GLI3: variants seen among roughly 807,000 people sequenced by gnomAD.
GLI3 encodes the protein GLI family zinc finger 3, also known as transcription activator GLI3.
GLI3 carries 20 observed loss-of-function variants against 100.8 expected under a neutral mutation model. The ratio of observed to expected loss-of-function variants is 0.20; its 90% CI spans 0.14 to 0.29. The LOEUF is 0.29. Ranked by LOEUF, GLI3 falls within the 10% of genes least tolerant of loss-of-function variation. The pLI is 1.00. For synonymous variants in GLI3, 938 were observed against 860.5 expected, an observed-to-expected ratio of 1.09 and a Z score of -1.58; for missense variants, 2,040 against 2,128.5, an observed-to-expected ratio of 0.96 and a Z score of 0.82.
chr7:42,128,108 TA>T (rs1786181614), intron 3 of GLI3, among the ~76,000 whole-genome samples: 1 of 150,960 alleles, frequency 6.6e-6, no homozygotes, highest in South Asian at 2.1e-4. Flanking sequence ...TAATATGCAA[TA>T]AAAAAATAAA....
chr7:42,171,540 T>C (rs766280784), intron 2 of GLI3, among the ~76,000 whole-genome samples: 5 of 152,240 alleles, frequency 3.3e-5, no homozygotes, highest in Admixed American at 6.5e-5. Flanking sequence ...TGTTCTTCAA[T>C]ATTTTTCAGA....
intron 10 of GLI3, among the ~76,000 whole-genome samples, chr7:42,001,042 T>C (rs759593359): frequency 9.2e-5 from 14 of 151,722 alleles, no homozygotes; most frequent in South Asian, 4.2e-4. Context: ...GTCAGGAGTT[T>C]GAGACCAGCC....
intron 3 of GLI3, among the ~76,000 whole-genome samples, chr7:42,119,225 A>G (rs1583573754): frequency 1.3e-5 from 2 of 152,334 alleles, no homozygotes; most frequent in African/African-American, 4.8e-5. Flanking sequence ...CTACATTTCT[A>G]TGTAAGCAAA....
intron 10 of GLI3, among the ~76,000 whole-genome samples, chr7:42,005,484 C>CACACACAT (rs1788433908): frequency 1.3e-5 from 2 of 151,786 alleles, no homozygotes; most frequent in South Asian, 4.2e-4. Flanking sequence ...CACACACACA[C>CACACACAT]ACACACACAC....
intron 1 of GLI3, among the ~76,000 whole-genome samples, chr7:42,250,998 A>G (rs1232426085): frequency 1.3e-5 from 2 of 152,280 alleles, no homozygotes; most frequent in Middle Eastern, 3.4e-3. Context: ...ATGAAAAAGC[A>G]TGGTGGGGAG....
At chr7:42,180,579 G>A (rs1787572644) in intron 2 of GLI3, among the ~76,000 whole-genome samples, 1 of 152,202 alleles carries the variant, frequency 6.6e-6, no homozygotes, top group Non-Finnish European at 1.5e-5. Context: ...GAAAAGGCTG[G>A]AGGGTAGGAC....
intron 3 of GLI3, among the ~76,000 whole-genome samples, chr7:42,093,089 C>T (rs912210276): frequency 2.7e-5 from 4 of 150,614 alleles, no homozygotes; most frequent in African/African-American, 7.3e-5. Flanking sequence ...GCTGGGATTA[C>T]AGGCATGAGC....
chr7:42,077,364 G>A (rs938249244), intron 3 of GLI3, among the ~76,000 whole-genome samples: 16 of 122,898 alleles, frequency 1.3e-4, no homozygotes, highest in Non-Finnish European at 2.0e-4. Flanking sequence ...ATGCATGCAT[G>A]TGCTTCTTTT....
At chr7:41,968,847 T>C (rs1384629000) in intron 13 of GLI3, among the ~76,000 whole-genome samples, 1 of 152,202 alleles carries the variant, frequency 6.6e-6, no homozygotes. Context: ...ATGATTTCAC[T>C]GTTCTCCTTA....
At chr7:42,025,198 G>A in intron 9 of GLI3, 66 bp downstream of exon 9, 1 of 1,030,686 alleles carries the variant, frequency 9.7e-7, no homozygotes, top group South Asian at 1.3e-5. Context: ...GAGGAAGCGG[G>A]AGCTGACCCA....
chr7:41,993,018 G>A (rs550095056), intron 10 of GLI3, among the ~76,000 whole-genome samples: 6 of 152,172 alleles, frequency 3.9e-5, no homozygotes, highest in African/African-American at 1.4e-4. Flanking sequence ...CATGCTGCCT[G>A]CAAAATTCAG....
chr7:41,964,295 G>T lies in GLI3; in HGVS notation c.*35C>A. 1.3e-6 allele frequency: 2 copies of T among 1,599,736 alleles called. No homozygotes were observed. Among genetic ancestry groups the T allele is most frequent in the South Asian group, 1.1e-5 (1 of 90,454 alleles). On this transcript the variant is annotated 3_prime_UTR_variant, in exon 15 of 15. Transcript: ENST00000395925. ...CAGTTTAATCTCTTCAACTCCTATTGATTTCCGTTGGTTGCAGTCTTTTTT... is the reference window on the plus strand; with the variant it reads ...CAGTTTAATCTCTTCAACTCCTATTTATTTCCGTTGGTTGCAGTCTTTTTT...
chr7:42,076,960 A>G, intron 3 of GLI3, 103 bp from the exon 4 acceptor site: 1 of 752,072 alleles, frequency 1.3e-6, no homozygotes, highest in Non-Finnish European at 2.4e-6. Context: ...CACTACCTAC[A>G]CTTAATCTAA....
chr7:42,177,001 C>T (rs1787493065), intron 2 of GLI3, among the ~76,000 whole-genome samples: 1 of 152,234 alleles, frequency 6.6e-6, no homozygotes, highest in Admixed American at 6.5e-5. Flanking sequence ...TAAGAAGGGA[C>T]TCTGTTCATT....
At chr7:42,251,310 A>T (rs995191851) in intron 1 of GLI3, among the ~76,000 whole-genome samples, 1 of 152,174 alleles carries the variant, frequency 6.6e-6, no homozygotes, top group African/African-American at 2.4e-5. Flanking sequence ...AGATTCTCAC[A>T]AGCAGCACAC....
chr7:42,013,400 A>AT (rs11295289), intron 10 of GLI3, among the ~76,000 whole-genome samples: 142 of 148,872 alleles, frequency 9.5e-4, no homozygotes, highest in African/African-American at 2.0e-3. Flanking sequence ...GACACACCTT[A>AT]TTTTTTTTTT....
At chr7:42,072,549 C>A (rs1199620767) in intron 4 of GLI3, among the ~76,000 whole-genome samples, 1 of 152,160 alleles carries the variant, frequency 6.6e-6, no homozygotes, top group Non-Finnish European at 1.5e-5. Flanking sequence ...AGCCACTTGA[C>A]AATGCAATTG....
chr7:42,155,135 A>G (rs1786970050), intron 2 of GLI3, among the ~76,000 whole-genome samples: 1 of 152,176 alleles, frequency 6.6e-6, no homozygotes, highest in Non-Finnish European at 1.5e-5. Flanking sequence ...GAAAGGAGAG[A>G]AAGTAGAAAA....
intron 1 of GLI3, among the ~76,000 whole-genome samples, chr7:42,234,378 C>G (rs1189140057): frequency 6.6e-6 from 1 of 152,164 alleles, no homozygotes; most frequent in African/African-American, 2.4e-5. Flanking sequence ...GAAATGCTTA[C>G]AGCATGCAGG....
Sources: allele counts gnomAD v4.1 joint callset (sites outside exome capture counted in the v4.1 genomes callset), GRCh38; gene constraint gnomAD v4.1.1; transcripts MANE v1.5; gene names NCBI Gene and HGNC (gene_info 2026-07-23, HGNC 2026-07-21).